ZNF469: variants seen among roughly 807,000 people sequenced by gnomAD.
The protein encoded by ZNF469 is zinc finger protein 469.
ZNF469 carries 1 observed loss-of-function variant against 1.0 expected under a neutral mutation model. The observed-to-expected ratio is 1.00, with a 90% CI of 0.35 to 4.73. The LOEUF (loss-of-function observed/expected upper bound fraction) is 4.73. Among genes scored for constraint, ZNF469 ranks in the 30% most tolerant of loss-of-function variants. ZNF469 has a pLI of 0.16. For missense variants in ZNF469, 6,100 were observed against 5,356.3 expected (o/e 1.14, Z -4.33); for synonymous variants, 2,703 against 2,363.4 (o/e 1.14, Z -4.17).
the ZNF469 span, among the ~76,000 whole-genome samples, chr16:88,323,094 T>C: frequency 0.23 from 34,373 of 152,052 alleles, 3,899 homozygotes; most frequent in South Asian, 0.33. Flanking sequence ...GTCTGTAAAG[T>C]GGGGGCAGTG....
the ZNF469 span, among the ~76,000 whole-genome samples, chr16:88,143,788 G>A: frequency 7.2e-5 from 11 of 152,184 alleles, no homozygotes; most frequent in East Asian, 1.9e-4. Flanking sequence ...TCCTCTGATC[G>A]GCCCCTGCCT....
chr16:88,276,826 C>T, the ZNF469 span, among the ~76,000 whole-genome samples: 2 of 152,180 alleles, frequency 1.3e-5, no homozygotes, highest in African/African-American at 4.8e-5. Context: ...GCCACGCCGA[C>T]ACTTGGTCAG....
At chr16:88,374,282 C>G in the ZNF469 span, among the ~76,000 whole-genome samples, 81 of 152,282 alleles carry the variant, frequency 5.3e-4, no homozygotes, top group African/African-American at 1.7e-3. Context: ...GAGGAGGTGA[C>G]TTCTGAATGG....
the ZNF469 span, among the ~76,000 whole-genome samples, chr16:88,265,939 G>A: frequency 6.6e-6 from 1 of 152,236 alleles, no homozygotes; most frequent in Non-Finnish European, 1.5e-5. Context: ...GGGGACAGAG[G>A]CCCAGAGGGG....
At chr16:88,268,197 A>G in the ZNF469 span, among the ~76,000 whole-genome samples, 42,519 of 152,128 alleles carry the variant, frequency 0.28, 7,029 homozygotes, top group Non-Finnish European at 0.37. Context: ...TTCTATTTCT[A>G]GGACAGTTGT....
At chr16:88,419,158 T>C (rs1007384499) in intron 1 of ZNF469, among the ~76,000 whole-genome samples, 4 of 152,234 alleles carry the variant, frequency 2.6e-5, no homozygotes, top group African/African-American at 9.6e-5. Flanking sequence ...ACACATGGCA[T>C]CTGGCTTTGT....
At chr16:88,361,235 G>A in the ZNF469 span, among the ~76,000 whole-genome samples, 1 of 152,178 alleles carries the variant, frequency 6.6e-6, no homozygotes, top group Non-Finnish European at 1.5e-5. Flanking sequence ...AGCTCAGGTG[G>A]TAATGTGAGC....
the ZNF469 span, among the ~76,000 whole-genome samples, chr16:88,128,169 T>C: frequency 6.6e-6 from 1 of 151,834 alleles, no homozygotes; most frequent in Non-Finnish European, 1.5e-5. Flanking sequence ...CCAGCACAGA[T>C]GCCTGAGCCG....
chr16:88,179,093 T>C, the ZNF469 span, among the ~76,000 whole-genome samples: 1 of 152,176 alleles, frequency 6.6e-6, no homozygotes, highest in African/African-American at 2.4e-5. Context: ...TGTAATTTTG[T>C]CCGGAGCAGT....
the ZNF469 span, among the ~76,000 whole-genome samples, chr16:88,199,408 G>A: frequency 6.6e-6 from 1 of 152,318 alleles, no homozygotes; most frequent in Non-Finnish European, 1.5e-5. Context: ...TGCAGAATCC[G>A]CCGGCCCACA....
At chr16:88,410,039 G>A (rs1339808259) in intron 1 of ZNF469, among the ~76,000 whole-genome samples, 1 of 151,918 alleles carries the variant, frequency 6.6e-6, no homozygotes, top group East Asian at 1.9e-4. Flanking sequence ...GGGGTTCAGA[G>A]CAGATACTGG....
At chr16:88,382,352 C>G (rs2092527416), upstream of ZNF469, among the ~76,000 whole-genome samples, 1 of 152,242 alleles carries the variant, frequency 6.6e-6, no homozygotes, top group African/African-American at 2.4e-5. Flanking sequence ...GCCTCTCCCT[C>G]TCTAGGGGCC....
intron 1 of ZNF469, among the ~76,000 whole-genome samples, chr16:88,408,018 G>A (rs1353734960): frequency 6.6e-6 from 1 of 152,236 alleles, no homozygotes; most frequent in Non-Finnish European, 1.5e-5. Context: ...ACTGTGTGTT[G>A]TTCCCTTTTT....
chr16:88,106,294 G>C, the ZNF469 span, among the ~76,000 whole-genome samples: 1 of 152,146 alleles, frequency 6.6e-6, no homozygotes, highest in African/African-American at 2.4e-5. Context: ...CTCCCTGCTC[G>C]TGATTCACCT....
At chr16:88,254,312 T>C in the ZNF469 span, among the ~76,000 whole-genome samples, 1 of 152,222 alleles carries the variant, frequency 6.6e-6, no homozygotes, top group East Asian at 1.9e-4. Context: ...TAAAAGTCAG[T>C]TGTATATATG....
chr16:88,391,200 C>T (rs894473236), intron 1 of ZNF469, among the ~76,000 whole-genome samples: 2 of 152,258 alleles, frequency 1.3e-5, no homozygotes, highest in Admixed American at 6.5e-5. Context: ...ATGTGGAGAG[C>T]ACCTCAATGG....
chr16:88,430,281 T>G lies in ZNF469; in HGVS notation c.2811T>G (p.Asp937Glu). 1 of 1,514,788 alleles carries G rather than the reference T, an allele frequency of 6.6e-7. No homozygotes were observed. Among genetic ancestry groups the G allele is most frequent in the Middle Eastern group, 1.7e-4 (1 of 5,832 alleles). 93.8% of individuals were successfully genotyped at this position (1,514,788 alleles called of 1,614,324 possible). A position where few individuals can be genotyped will look rare whatever the true frequency, so the allele number is the denominator to read the frequency against. The change falls in exon 3 of 3, where the codon GAT (aspartate) becomes GAG (glutamate). Residue 937 changes from aspartate to glutamate, a missense_variant. Physicochemically the swap from Asp to Glu is conservative, Grantham distance 45 (BLOSUM62 2). Coordinates refer to ENST00000565624, the MANE Select transcript of ZNF469 (RefSeq NM_001367624.2). ...TGGGTCTGGCCCCCACCGAGGCGGA[T>G]GCGCCCAGCCAGGGCAGGCAGCAGA... ...RSLGLAPTEA[D>E]APSQGRQQRR... is the part of the protein sequence containing the mutation.
intron 1 of ZNF469, among the ~76,000 whole-genome samples, chr16:88,399,610 C>T (rs72805336): frequency 0.11 from 17,465 of 152,226 alleles, 1,223 homozygotes; most frequent in African/African-American, 0.19. Context: ...TCTGTGGTGC[C>T]TCCCAGCTGC....
the ZNF469 span, among the ~76,000 whole-genome samples, chr16:88,186,644 C>T: frequency 6.6e-6 from 1 of 152,158 alleles, no homozygotes; most frequent in Non-Finnish European, 1.5e-5. Flanking sequence ...AGCGGGCCCA[C>T]CTCCCCCGGC....
Sources: gnomAD v4.1 joint callset for allele counts (sites outside exome capture counted in the v4.1 genomes callset) on GRCh38, gnomAD v4.1.1 for gene constraint, MANE v1.5 for transcripts, NCBI Gene and HGNC (gene_info 2026-07-23, HGNC 2026-07-21) for gene names.